Variants in ZMYND8 observed in about 807,000 individuals in gnomAD.
ZMYND8 encodes the protein zinc finger MYND-type containing 8, also known as MYND-type zinc finger-containing chromatin reader ZMYND8.
A neutral mutation model predicts 140.8 loss-of-function variants in ZMYND8; 37 were observed. That is an observed-to-expected ratio of 0.26 (90% CI 0.20 to 0.35). The LOEUF (loss-of-function observed/expected upper bound fraction) is 0.35, where lower values mean the gene tolerates loss of function less well. Ranked by LOEUF, ZMYND8 falls within the 10% of genes least tolerant of loss-of-function variation. The probability of loss-of-function intolerance (pLI) is 1.00; values close to 1 mark genes in which losing one functional copy is unlikely to be tolerated. For synonymous variants in ZMYND8, 592 were observed against 597.1 expected (o/e 0.99, Z 0.12); for missense variants, 1,068 against 1,570.0 (o/e 0.68, Z 5.40).
At chr20:47,300,074 A>G (rs1371193008) in intron 3 of ZMYND8, among the ~76,000 whole-genome samples, 1 of 152,160 alleles carries the variant, frequency 6.6e-6, no homozygotes, top group Non-Finnish European at 1.5e-5. Flanking sequence ...TCTTCCTGGT[A>G]TATTATGGAA....
At chr20:47,312,407 G>A (rs929775628) in intron 2 of ZMYND8, among the ~76,000 whole-genome samples, 3 of 152,164 alleles carry the variant, frequency 2.0e-5, no homozygotes, top group Admixed American at 1.3e-4. Context: ...AGGGGGCTGC[G>A]TGGAGACCCA....
chr20:47,246,658 A>G (rs2147289136), intron 13 of ZMYND8, 141 bp from the exon 14 acceptor site: 1 of 1,248,750 alleles, frequency 8.0e-7, no homozygotes, highest in Non-Finnish European at 1.1e-6. Flanking sequence ...AAATGGGGCC[A>G]GTAATAATCT....
chr20:47,315,231 G>A (rs962687475), intron 2 of ZMYND8, among the ~76,000 whole-genome samples: 3 of 152,132 alleles, frequency 2.0e-5, no homozygotes, highest in Non-Finnish European at 4.4e-5. Flanking sequence ...CAAGAGGTAG[G>A]GGGAGGTGGG....
rs192050358 is a variant in ZMYND8, at chr20:47,245,059, C to T, written c.2284+949G>A. On this transcript the variant is annotated intron_variant, in intron 14 of 22. Coordinates refer to ENST00000471951, the MANE Select transcript of ZMYND8 (RefSeq NM_001281775.3). ...GCGACAAGAGCCAAATTCTGTCCGC[C>T]CCCCCTCCCCAAAAAAGCCAATACA... 8.5e-3 allele frequency among the ~76,000 whole-genome samples: 1,286 copies of T among 152,052 alleles called. 19 individuals carry two copies. The highest frequency in any genetic ancestry group is 0.023 in the East Asian group (119 of 5,162).
At position 47,296,174 on chromosome 20, in the gene ZMYND8, T is replaced by C. The variant is rs183102020; in HGVS notation, c.454-1395A>G. Among the ~76,000 whole-genome samples, 323 of 152,336 alleles carry C rather than the reference T, an allele frequency of 2.1e-3. 1 individual carries two copies. Among genetic ancestry groups the C allele is most frequent in the African/African-American group, 7.6e-3 (314 of 41,582 alleles). ...CGAATCTTAGACACAGAGCACCTGTTTGTTTGATTCTGGTTTGTTTCCAGG... is the reference window on the plus strand; with the variant it reads ...CGAATCTTAGACACAGAGCACCTGTCTGTTTGATTCTGGTTTGTTTCCAGG... On this transcript the variant is annotated intron_variant, in intron 4 of 22. Coordinates refer to ENST00000471951, the MANE Select transcript of ZMYND8 (RefSeq NM_001281775.3).
chr20:47,340,083 C>CA (rs151134862), intron 2 of ZMYND8, among the ~76,000 whole-genome samples: 5,998 of 152,136 alleles, frequency 0.039, 373 homozygotes, highest in African/African-American at 0.13. Context: ...GCTGAGATTA[C>CA]AGGTGCCTGC....
chr20:47,300,737 C>T (rs1037652316), intron 3 of ZMYND8, among the ~76,000 whole-genome samples: 2 of 152,150 alleles, frequency 1.3e-5, no homozygotes, highest in East Asian at 1.9e-4. Flanking sequence ...GTATTTGAGA[C>T]AGGGTCTTGC....
At chr20:47,278,493 T>C (rs1033235261) in intron 10 of ZMYND8, among the ~76,000 whole-genome samples, 2 of 152,086 alleles carry the variant, frequency 1.3e-5, no homozygotes, top group Non-Finnish European at 2.9e-5. Context: ...GAAGACAAAA[T>C]AGACTTCTTA....
chr20:47,319,195 A>C (rs1370678420), intron 2 of ZMYND8: 2 of 420,814 alleles, frequency 4.8e-6, no homozygotes, highest in Non-Finnish European at 8.8e-6. Context: ...GCAGTCTGAA[A>C]CCCAGCGACT....
chr20:47,241,210 G>T (rs762614971), intron 14 of ZMYND8, among the ~76,000 whole-genome samples: 1 of 148,542 alleles, frequency 6.7e-6, no homozygotes, highest in Non-Finnish European at 1.5e-5. Flanking sequence ...CAGGAGAATC[G>T]CTTGAACCCA....
At chr20:47,259,717 C>T (rs2075015889) in intron 12 of ZMYND8, among the ~76,000 whole-genome samples, 1 of 152,168 alleles carries the variant, frequency 6.6e-6, no homozygotes, top group Admixed American at 6.5e-5. Flanking sequence ...GCTCAATGCT[C>T]TACCCCTGAC....
rs1034106211 is a variant in ZMYND8 at position 47,298,068 on chromosome 20, C to A, written c.453+661G>T. On this transcript the variant is annotated intron_variant, in intron 4 of 22. Transcript: ENST00000471951. The surrounding 1 kb of genome is among the most constrained non-coding windows in gnomAD (Gnocchi z 5.0). Reference sequence around the variant, plus strand: ...GACCACCACATTCAAAATGAAAACACCTTGCACTCCCTTGGACCTCCTATT... The same window carrying A: ...GACCACCACATTCAAAATGAAAACAACTTGCACTCCCTTGGACCTCCTATT... Among the ~76,000 whole-genome samples, 7 of 152,206 alleles carry A rather than the reference C, an allele frequency of 4.6e-5. No individual in the cohort carries two copies. The highest frequency in any genetic ancestry group is 9.7e-5 in the African/African-American group (4 of 41,442).
At chr20:47,326,515 C>T (rs1444871165) in intron 2 of ZMYND8, among the ~76,000 whole-genome samples, 2 of 152,204 alleles carry the variant, frequency 1.3e-5, no homozygotes, top group African/African-American at 2.4e-5. Flanking sequence ...CTAGGAGACC[C>T]GCCACTGAGA....
intron 16 of ZMYND8, among the ~76,000 whole-genome samples, 183 bp from the exon 17 acceptor site, chr20:47,229,989 A>G (rs1273194600): frequency 6.6e-6 from 1 of 152,182 alleles, no homozygotes; most frequent in East Asian, 1.9e-4. Context: ...AGGAGCTGCT[A>G]CTGGCATCTA....
chr20:47,261,694 T>C (rs2075170115), intron 12 of ZMYND8, among the ~76,000 whole-genome samples: 3 of 152,158 alleles, frequency 2.0e-5, no homozygotes, highest in Non-Finnish European at 4.4e-5. Flanking sequence ...TCCTCCTACT[T>C]GCTTCTGTGC....
intron 19 of ZMYND8, among the ~76,000 whole-genome samples, chr20:47,223,366 C>T (rs1178549245): frequency 2.0e-5 from 3 of 151,640 alleles, no homozygotes; most frequent in African/African-American, 7.3e-5. Flanking sequence ...ATTAGCTGCG[C>T]ATGGTGATGT....
At chr20:47,297,997 C>G (rs369556538) in intron 4 of ZMYND8, among the ~76,000 whole-genome samples, 5 of 152,298 alleles carry the variant, frequency 3.3e-5, no homozygotes, top group African/African-American at 1.2e-4. Context: ...ATGGCTCACT[C>G]CTCTCTTTCA....
At chr20:47,259,700 C>A (rs2147516217) in intron 12 of ZMYND8, among the ~76,000 whole-genome samples, 1 of 152,254 alleles carries the variant, frequency 6.6e-6, no homozygotes, top group South Asian at 2.1e-4. Context: ...CCAGGGGCCT[C>A]ACTCCTGCTC....
At chr20:47,356,142 CCT>C (rs1276204074) in intron 1 of ZMYND8, among the ~76,000 whole-genome samples, 3 of 151,930 alleles carry the variant, frequency 2.0e-5, no homozygotes, top group African/African-American at 7.3e-5. Context: ...CTTCCCAGAA[CCT>C]CTTTGGAGAG....
Sources: allele counts gnomAD v4.1 joint callset (sites outside exome capture counted in the v4.1 genomes callset), GRCh38; gene constraint gnomAD v4.1.1; non-coding constraint Gnocchi (gnomAD v3.1); transcripts MANE v1.5; gene names NCBI Gene and HGNC (gene_info 2026-07-23, HGNC 2026-07-21).